NXPE2: variants seen among roughly 807,000 people sequenced by gnomAD.
NXPE2 encodes neurexophilin and PC-esterase domain family member 2, also known as NXPE family member 2.
In NXPE2, 34 loss-of-function variants were observed where a neutral mutation model predicts 34.4. The ratio of observed to expected loss-of-function variants is 0.99; its 90% CI spans 0.75 to 1.31. NXPE2 has a LOEUF of 1.31. Ranked by LOEUF, NXPE2 falls within the 40% of genes most tolerant of loss-of-function variation. NXPE2 has a pLI of 0.00. For missense variants in NXPE2, 649 were observed against 672.5 expected (o/e 0.97, Z 0.39); for synonymous variants, 235 against 231.3 (o/e 1.02, Z -0.15).
the NXPE2 span, among the ~76,000 whole-genome samples, chr11:114,545,977 C>T: frequency 6.6e-6 from 1 of 152,144 alleles, no homozygotes; most frequent in African/African-American, 2.4e-5. Flanking sequence ...GCATGAGCCA[C>T]TGCCCCTGGC....
the NXPE2 span, among the ~76,000 whole-genome samples, chr11:114,625,983 C>T: frequency 1.2e-4 from 17 of 143,020 alleles, no homozygotes; most frequent in African/African-American, 4.0e-4. Flanking sequence ...TAAAAAACGG[C>T]GCACCAGGAG....
chr11:114,723,521 G>C, the NXPE2 span, among the ~76,000 whole-genome samples: 1 of 152,266 alleles, frequency 6.6e-6, no homozygotes, highest in South Asian at 2.1e-4. Flanking sequence ...CAGAAGGAAA[G>C]ACCCTCAAGA....
the NXPE2 span, among the ~76,000 whole-genome samples, chr11:114,747,499 A>C: frequency 1.3e-5 from 2 of 151,934 alleles, no homozygotes; most frequent in Non-Finnish European, 2.9e-5. Context: ...TATGTAATTT[A>C]TAAAGAAAAG....
At chr11:114,652,579 G>C in the NXPE2 span, among the ~76,000 whole-genome samples, 2 of 152,220 alleles carry the variant, frequency 1.3e-5, no homozygotes, top group Admixed American at 1.3e-4. Flanking sequence ...AACACAGTGA[G>C]TGTTGCTCGA....
At chr11:114,605,732 C>A in the NXPE2 span, among the ~76,000 whole-genome samples, 1 of 151,570 alleles carries the variant, frequency 6.6e-6, no homozygotes. Context: ...AACCACTTTG[C>A]CCAGTGGATA....
chr11:114,474,679 TA>T, the NXPE2 span, among the ~76,000 whole-genome samples: 1 of 152,166 alleles, frequency 6.6e-6, no homozygotes. Context: ...GTATAGATAT[TA>T]AAAAAAGAAG....
the NXPE2 span, among the ~76,000 whole-genome samples, chr11:114,760,882 C>T: frequency 4.6e-5 from 7 of 152,140 alleles, no homozygotes; most frequent in African/African-American, 1.4e-4. Flanking sequence ...GGCCTCCATC[C>T]ACCCACATTA....
the NXPE2 span, among the ~76,000 whole-genome samples, chr11:114,802,616 TA>T: frequency 1.4e-4 from 22 of 152,330 alleles, no homozygotes; most frequent in African/African-American, 4.6e-4. Context: ...GACAGTCTTT[TA>T]TTTTTTTTAA....
the NXPE2 span, chr11:114,582,893 G>T: frequency 1.9e-6 from 3 of 1,614,136 alleles, no homozygotes; most frequent in Non-Finnish European, 1.7e-6. Flanking sequence ...GTTTCTCTAT[G>T]ATTTCCTTTA....
chr11:114,525,306 G>T, the NXPE2 span, among the ~76,000 whole-genome samples: 1 of 151,870 alleles, frequency 6.6e-6, no homozygotes, highest in Non-Finnish European at 1.5e-5. Flanking sequence ...ATTAGATAGG[G>T]AGACTAATAG....
the NXPE2 span, among the ~76,000 whole-genome samples, chr11:114,725,974 A>ATATATATATAT: frequency 8.7e-3 from 284 of 32,822 alleles, 3 homozygotes; most frequent in African/African-American, 0.017. Flanking sequence ...TAATAAAAAA[A>ATATATATATAT]AAATATATAT....
the NXPE2 span, among the ~76,000 whole-genome samples, chr11:114,791,624 T>A: frequency 6.6e-6 from 1 of 152,068 alleles, no homozygotes; most frequent in Non-Finnish European, 1.5e-5. Context: ...AAAGCTAGTA[T>A]GAATGAAAGA....
At chr11:114,603,855 T>G in the NXPE2 span, among the ~76,000 whole-genome samples, 1 of 151,330 alleles carries the variant, frequency 6.6e-6, no homozygotes, top group South Asian at 2.1e-4. Context: ...TATTGCCTCC[T>G]CTCCTAGGTA....
chr11:114,651,657 T>C, the NXPE2 span, among the ~76,000 whole-genome samples: 10 of 152,300 alleles, frequency 6.6e-5, no homozygotes, highest in South Asian at 2.1e-3. Flanking sequence ...TTCTGATTGG[T>C]CCGTTTTACA....
the NXPE2 span, among the ~76,000 whole-genome samples, chr11:114,637,156 G>T: frequency 2.0e-5 from 3 of 151,612 alleles, no homozygotes; most frequent in Non-Finnish European, 4.4e-5. Context: ...CCTGTATTGG[G>T]TCCATATATA....
chr11:114,515,710 G>C, the NXPE2 span, among the ~76,000 whole-genome samples: 1 of 152,170 alleles, frequency 6.6e-6, no homozygotes, highest in African/African-American at 2.4e-5. Context: ...GAGCTTATAG[G>C]AAATAAAGAA....
chr11:114,485,383 C>CTTTTTT, the NXPE2 span, among the ~76,000 whole-genome samples: 11 of 89,220 alleles, frequency 1.2e-4, no homozygotes, highest in African/African-American at 4.7e-4. Context: ...TAATTTTTGT[C>CTTTTTT]TTTTTTTTTT....
chr11:114,586,658 G>C, the NXPE2 span, among the ~76,000 whole-genome samples: 1 of 152,088 alleles, frequency 6.6e-6, no homozygotes, highest in Non-Finnish European at 1.5e-5. Flanking sequence ...AGGCACTGAA[G>C]GTTCCTTGCC....
the NXPE2 span, among the ~76,000 whole-genome samples, chr11:114,545,642 T>C: frequency 2.0e-5 from 3 of 151,930 alleles, no homozygotes; most frequent in Non-Finnish European, 4.4e-5. Flanking sequence ...CTGTTGTGTA[T>C]ACATGAAACT....
Sources: allele counts gnomAD v4.1 joint callset (sites outside exome capture counted in the v4.1 genomes callset), GRCh38; gene constraint gnomAD v4.1.1; transcripts MANE v1.5; gene names NCBI Gene and HGNC (gene_info 2026-07-23, HGNC 2026-07-21).